Variants in FAHD2A observed in about 807,000 individuals in gnomAD.
FAHD2A encodes the protein fumarylacetoacetate hydrolase domain containing 2A, also known as oxaloacetate tautomerase FAHD2A, mitochondrial.
FAHD2A carries 27 observed loss-of-function variants against 33.4 expected under a neutral mutation model. The observed-to-expected ratio is 0.81, with a 90% CI of 0.60 to 1.11. The LOEUF (loss-of-function observed/expected upper bound fraction) is 1.11, where lower values mean the gene tolerates loss of function less well. Among genes scored for constraint, FAHD2A ranks in the 50% most tolerant of loss-of-function variants. The probability of loss-of-function intolerance (pLI) is 0.00; values close to 1 mark genes in which losing one functional copy is unlikely to be tolerated. For synonymous variants in FAHD2A, 130 were observed against 153.3 expected, an observed-to-expected ratio of 0.85 and a Z score of 1.12; for missense variants, 296 against 395.0, an observed-to-expected ratio of 0.75 and a Z score of 2.12.
chr2:95,412,227 CT>C (rs1209422272), intron 5 of FAHD2A, among the ~76,000 whole-genome samples: 2 of 151,968 alleles, frequency 1.3e-5, no homozygotes, highest in African/African-American at 4.8e-5. Context: ...GTTACTACTG[CT>C]TGGTGCTCTT....
In FAHD2A at chr2:95,414,411, G is replaced by A. The variant is rs1299477333; in HGVS notation, c.*1454G>A. The A allele has an allele frequency of 6.6e-6, 4 of 608,710 alleles. No homozygotes were observed. The highest frequency in any genetic ancestry group is 1.2e-5 in the Non-Finnish European group (4 of 331,710). 37.7% of individuals were successfully genotyped at this position (608,710 alleles called of 1,614,324 possible). A position where few individuals can be genotyped will look rare whatever the true frequency, so the allele number is the denominator to read the frequency against. ...GGATGTGGTGGGATGGGGAAGGAAA[G>A]GTTGTGGAAGGCCTGCACCCCGTCT... is the stretch of plus-strand genomic sequence containing the variant. On this transcript the variant is annotated 3_prime_UTR_variant, in exon 8 of 8. Coordinates refer to ENST00000233379, the MANE Select transcript of FAHD2A (RefSeq NM_016044.3).
chr2:95,419,735 G>A (rs397833759), downstream of FAHD2A, among the ~76,000 whole-genome samples: 318 of 151,988 alleles, frequency 2.1e-3, 1 homozygote, highest in East Asian at 8.1e-3. Flanking sequence ...TTAATACAAC[G>A]TAGAGATAGA....
chr2:95,418,071 G>T (rs573883194), downstream of FAHD2A, among the ~76,000 whole-genome samples: 179 of 152,066 alleles, frequency 1.2e-3, no homozygotes, highest in Middle Eastern at 6.8e-3. Flanking sequence ...TAAAGATTGG[G>T]TCACAATAAT....
chr2:95,409,669 A>T (rs1390828924), intron 3 of FAHD2A, among the ~76,000 whole-genome samples: 1 of 152,236 alleles, frequency 6.6e-6, no homozygotes. Flanking sequence ...TTCTATGAAG[A>T]AAAGCTGCCT....
In FAHD2A at chr2:95,414,125, T is replaced by C; in HGVS notation, c.*1168T>C. Reference sequence around the variant, plus strand: ...GCCCAGGGAGGGATAGATCTCCGACTGGACAGAAGACTACTCTGCAGCCCG... The same window carrying C: ...GCCCAGGGAGGGATAGATCTCCGACCGGACAGAAGACTACTCTGCAGCCCG... On this transcript the variant is annotated 3_prime_UTR_variant, in exon 8 of 8. Coordinates refer to ENST00000233379, the MANE Select transcript of FAHD2A (RefSeq NM_016044.3). 5.4e-6 allele frequency: 8 copies of C among 1,493,098 alleles called. No individual in the cohort carries two copies. In the South Asian group the frequency reaches 7.2e-5, roughly 13 times the overall value. 92.5% of individuals were successfully genotyped at this position (1,493,098 alleles called of 1,614,324 possible).
In FAHD2A at chr2:95,413,076, G is replaced by A. The variant is rs1682801307; in HGVS notation, c.*119G>A. Reference sequence around the variant, plus strand: ...CCAGCCCTGCAAGCCGCCTCTTCTCGGTAGAAGGGAGAAGGACAGAGCTCT... The same window carrying A: ...CCAGCCCTGCAAGCCGCCTCTTCTCAGTAGAAGGGAGAAGGACAGAGCTCT... On this transcript the variant is annotated 3_prime_UTR_variant, in exon 8 of 8. Transcript: ENST00000233379. 5.3e-6 allele frequency: 7 copies of A among 1,316,156 alleles called. No homozygotes were observed. Among genetic ancestry groups the A allele is most frequent in the Middle Eastern group, 2.5e-4 (1 of 3,928 alleles). 81.5% of individuals were successfully genotyped at this position (1,316,156 alleles called of 1,614,324 possible). A position where few individuals can be genotyped will look rare whatever the true frequency, so the allele number is the denominator to read the frequency against.
At chr2:95,411,790 G>A (rs1201608106) in intron 5 of FAHD2A, among the ~76,000 whole-genome samples, 1 of 152,116 alleles carries the variant, frequency 6.6e-6, no homozygotes, top group African/African-American at 2.4e-5. Context: ...CTTTATAGAT[G>A]CTGAGTCTTT....
At chr2:95,405,426 TC>T (rs1681361296) in intron 1 of FAHD2A, 126 bp from the exon 2 acceptor site, 7 of 1,405,526 alleles carry the variant, frequency 5.0e-6, no homozygotes, top group Non-Finnish European at 6.7e-6. Flanking sequence ...CTGGACCACT[TC>T]CCGTGTGGTA....
rs764066186 is a variant in FAHD2A at position 95,412,749 on chromosome 2, T to A, written c.867T>A (p.Pro289=). 30 of 1,614,028 alleles carry A rather than the reference T, an allele frequency of 1.9e-5. No individual in the cohort carries two copies. The highest frequency in any genetic ancestry group is 2.2e-5 in the Non-Finnish European group (26 of 1,180,006). ...TPPGVGVFRK[P]PVFLKKGDEV... is the part of the protein sequence containing the mutation. ...CAGGTGTCGGTGTATTCAGGAAACCTCCTGTCTTTCTCAAGGTAGGTTAGC... is the reference window on the plus strand; with the variant it reads ...CAGGTGTCGGTGTATTCAGGAAACCACCTGTCTTTCTCAAGGTAGGTTAGC... The change falls in exon 7 of 8, where the codon CCT becomes CCA. Residue 289 remains proline (P), a synonymous_variant. Coordinates refer to ENST00000233379, the MANE Select transcript of FAHD2A (RefSeq NM_016044.3).
intron 2 of FAHD2A, among the ~76,000 whole-genome samples, chr2:95,406,642 C>CAGGGGAACGGGGTAACCGGA (rs1006902028): frequency 6.6e-6 from 1 of 152,070 alleles, no homozygotes; most frequent in African/African-American, 2.4e-5. Flanking sequence ...TGCGAAGAGC[C>CAGGGGAACGGGGTAACCGGA]AGGGGAACGG....
At position 95,413,407 on chromosome 2, in the gene FAHD2A, G is replaced by A; in HGVS notation, c.*450G>A. On this transcript the variant is annotated 3_prime_UTR_variant, in exon 8 of 8. Coordinates refer to ENST00000233379, the MANE Select transcript of FAHD2A (RefSeq NM_016044.3). ...TCTTCTGGCTCTAGGACACAGCTGT[G>A]TTCTGGGGCTCAGAAGTCTCAGCAC... 1.9e-6 allele frequency: 3 copies of A among 1,598,382 alleles called. No individual in the cohort carries two copies. The highest frequency in any genetic ancestry group is 8.5e-7 in the Non-Finnish European group (1 of 1,176,090).
chr2:95,415,487 T>C lies in FAHD2A; in HGVS notation c.*2530T>C, dbSNP rs1683066535. 1 of 152,364 alleles carries C rather than the reference T, an allele frequency of 6.6e-6. No homozygotes were observed. Among genetic ancestry groups the C allele is most frequent in the Non-Finnish European group, 1.5e-5 (1 of 68,006 alleles). The allele number at this position is 152,364 out of a possible 1,614,324, so 9.4% of individuals were successfully genotyped here. On this transcript the variant is annotated 3_prime_UTR_variant, in exon 8 of 8. Transcript: ENST00000233379. ...GGAACATGTGAGATGAAGCATGTTATGTTATTAGGCATTCTCTTGATTCGG... is the reference window on the plus strand; with the variant it reads ...GGAACATGTGAGATGAAGCATGTTACGTTATTAGGCATTCTCTTGATTCGG...
chr2:95,418,272 A>T (rs1014852417), downstream of FAHD2A, among the ~76,000 whole-genome samples: 1 of 151,324 alleles, frequency 6.6e-6, no homozygotes, highest in African/African-American at 2.4e-5. Flanking sequence ...GTGTGTGTGT[A>T]AGGAAAGAGG....
intron 2 of FAHD2A, 37 bp downstream of exon 2, chr2:95,405,840 C>G: frequency 6.5e-7 from 1 of 1,527,692 alleles, no homozygotes; most frequent in South Asian, 1.3e-5. Context: ...AAGCAGCTGC[C>G]CTGGTCCCCC....
intron 5 of FAHD2A, among the ~76,000 whole-genome samples, chr2:95,411,909 C>T (rs1329081398): frequency 1.3e-5 from 2 of 152,330 alleles, no homozygotes; most frequent in Middle Eastern, 6.8e-3. Context: ...CCTCAGCCTC[C>T]TGAGTAGCTG....
chr2:95,412,748 C>G lies in FAHD2A; in HGVS notation c.866C>G (p.Pro289Arg). ...TPPGVGVFRK[P>R]PVFLKKGDEV... is the part of the protein sequence containing the mutation. ...CCAGGTGTCGGTGTATTCAGGAAACCTCCTGTCTTTCTCAAGGTAGGTTAG... is the reference window on the plus strand; with the variant it reads ...CCAGGTGTCGGTGTATTCAGGAAACGTCCTGTCTTTCTCAAGGTAGGTTAG... Residue 289 changes from proline (P) to arginine (R), a missense_variant, in exon 7 of 8, where the codon CCT (proline) becomes CGT (arginine). By Grantham distance (103) the Pro-to-Arg change is moderately radical. Coordinates refer to ENST00000233379, the MANE Select transcript of FAHD2A (RefSeq NM_016044.3). 6.2e-7 allele frequency: 1 copy of G among 1,614,168 alleles called. No homozygotes were observed. The highest frequency in any genetic ancestry group is 8.5e-7 in the Non-Finnish European group (1 of 1,180,002).
rs527626799 is a variant in FAHD2A, at chr2:95,413,136, T to C, written c.*179T>C. On this transcript the variant is annotated 3_prime_UTR_variant, in exon 8 of 8. Coordinates refer to ENST00000233379, the MANE Select transcript of FAHD2A (RefSeq NM_016044.3). ...ATTCGTCAGGTCAAAGCAGCAGCTT[T>C]GCTTCTGCTGTTTGTCTTCTTTTGG... 4.6e-4 allele frequency: 507 copies of C among 1,110,880 alleles called. 4 individuals are homozygous for C. The South Asian group carries it at 7.9e-3, about 17-fold the overall frequency. The allele number at this position is 1,110,880 out of a possible 1,614,324, so 68.8% of individuals were successfully genotyped here.
At chr2:95,405,934 C>T (rs547251317) in intron 2 of FAHD2A, 131 bp downstream of exon 2, 43 of 1,188,444 alleles carry the variant, frequency 3.6e-5, no homozygotes, top group South Asian at 1.2e-4. Context: ...CCTTTTCTCC[C>T]GTTCTCTTAA....
intron 5 of FAHD2A, among the ~76,000 whole-genome samples, chr2:95,412,043 G>C (rs1436447334): frequency 1.3e-5 from 2 of 152,124 alleles, no homozygotes; most frequent in African/African-American, 4.8e-5. Flanking sequence ...CGCCTGCCTT[G>C]GCCTCCCAAA....
Sources: allele counts gnomAD v4.1 joint callset (sites outside exome capture counted in the v4.1 genomes callset), GRCh38; gene constraint gnomAD v4.1.1; transcripts MANE v1.5; gene names NCBI Gene and HGNC (gene_info 2026-07-23, HGNC 2026-07-21).